Variants in ZNF699 observed in about 807,000 individuals in gnomAD.
The protein encoded by ZNF699 is hangover homolog.
ZNF699 carries 18 observed loss-of-function variants against 22.5 expected under a neutral mutation model. That is an observed-to-expected ratio of 0.80 (90% CI 0.55 to 1.19). The LOEUF (loss-of-function observed/expected upper bound fraction) is 1.19, where lower values mean the gene tolerates loss of function less well. ZNF699 is among the 50% of genes most tolerant of loss of function. The pLI, the probability that ZNF699 is intolerant of heterozygous loss-of-function variation, is 0.00. For synonymous variants in ZNF699, 241 were observed against 262.3 expected (o/e 0.92, Z 0.78); for missense variants, 670 against 763.4 (o/e 0.88, Z 1.44).
At chr19:9,307,304 T>TAACTTTTAAATAC (rs2066331109) in intron 1 of ZNF699, among the ~76,000 whole-genome samples, 1 of 152,204 alleles carries the variant, frequency 6.6e-6, no homozygotes, top group South Asian at 2.1e-4. Flanking sequence ...CCTTACCTCC[T>TAACTTTTAAATAC]TCGTTTCATG....
rs1224282295 is a variant in ZNF699, at chr19:9,295,799, T to C, written c.1605A>G (p.Lys535=). ...AGGGATAAATAAAGGCTTTCCCACATTTCTTACATTCATAGGGTTTCTCTC... is the reference window on the plus strand; with the variant it reads ...AGGGATAAATAAAGGCTTTCCCACACTTCTTACATTCATAGGGTTTCTCTC... ...HTGEKPYECK[K]CGKAFIYPSA... Residue 535 remains lysine (K), a synonymous_variant, in exon 6 of 6, where the codon AAA becomes AAG. Transcript: ENST00000591998. 6.2e-7 allele frequency: 1 copy of C among 1,614,166 alleles called. No individual in the cohort carries two copies. The highest frequency in any genetic ancestry group is 1.1e-5 in the South Asian group (1 of 91,076).
Position 9,295,411 on chromosome 19 carries a change from A to C in ZNF699, c.*64T>G. 6.6e-7 allele frequency: 1 copy of C among 1,520,514 alleles called. No individual in the cohort carries two copies. The highest frequency in any genetic ancestry group is 8.8e-7 in the Non-Finnish European group (1 of 1,139,012). 94.2% of individuals were successfully genotyped at this position (1,520,514 alleles called of 1,614,324 possible). ...TCTTACATTCATAGGGTGTCTCCAC[A>C]GTATGAGATCTCACATGTTGCCTAG... On this transcript the variant is annotated 3_prime_UTR_variant, in exon 6 of 6. Transcript: ENST00000591998.
Position 9,296,451 on chromosome 19 carries a change from C to A in ZNF699, c.953G>T (p.Cys318Phe). ...ECKECGKAFS[C>F]SSSLSKHKRI... ...TTTGTGTTTGGAGAGTGAGGAGGAA[C>A]AACTGAAGGCCTTCCCACATTCCTT... The change falls in exon 6 of 6, where the codon TGT becomes TTT. Residue 318 changes from cysteine (C) to phenylalanine (F), a missense_variant. Cys to Phe is a radical substitution (Grantham distance 205). Transcript: ENST00000591998. 1 of 1,613,050 alleles carries A rather than the reference C, an allele frequency of 6.2e-7. No individual in the cohort carries two copies. Among genetic ancestry groups the A allele is most frequent in the Non-Finnish European group, 8.5e-7 (1 of 1,179,734 alleles).
chr19:9,307,704 T>G (rs976938813), intron 1 of ZNF699, among the ~76,000 whole-genome samples: 1 of 152,084 alleles, frequency 6.6e-6, no homozygotes, highest in African/African-American at 2.4e-5. Flanking sequence ...ATCCCAGCAC[T>G]TTGGGAGGCC....
In ZNF699 at chr19:9,297,738, G is replaced by C; in HGVS notation, c.286+142C>G. 1 of 668,920 alleles carries C rather than the reference G, an allele frequency of 1.5e-6. No individual in the cohort carries two copies. The highest frequency in any genetic ancestry group is 2.5e-6 in the Non-Finnish European group (1 of 394,024). The allele number at this position is 668,920 out of a possible 1,614,324, so 41.4% of individuals were successfully genotyped here. A position where few individuals can be genotyped will look rare whatever the true frequency, so the allele number is the denominator to read the frequency against. On this transcript the variant is annotated intron_variant, in intron 4 of 5. Coordinates refer to ENST00000591998, the MANE Select transcript of ZNF699 (RefSeq NM_198535.3). This position sits in a 1 kb window ranked among gnomAD's most constrained non-coding sequence, Gnocchi z 4.3. Reference sequence around the variant, plus strand: ...TTTGCCAAGAACAAGGAAAATGCGAGAGGACTGATAAAAAGTCAAAATAGT... The same window carrying C: ...TTTGCCAAGAACAAGGAAAATGCGACAGGACTGATAAAAAGTCAAAATAGT...
rs2066273720 is a variant in ZNF699 at position 9,293,500 on chromosome 19, C to A, written c.*1975G>T. ...ATCAAAAGAACAATTAAAAGTCAAA[C>A]CACACATTATGTTGAGCAAAAGAAG... On this transcript the variant is annotated 3_prime_UTR_variant, in exon 6 of 6. Coordinates refer to ENST00000591998, the MANE Select transcript of ZNF699 (RefSeq NM_198535.3). Among the ~76,000 whole-genome samples, 1 of 152,140 alleles carries A rather than the reference C, an allele frequency of 6.6e-6. No homozygotes were observed. The highest frequency in any genetic ancestry group is 1.5e-5 in the Non-Finnish European group (1 of 68,014).
rs2066282872 is a variant in ZNF699 at position 9,295,784 on chromosome 19, A to G, written c.1620T>C (p.Phe540=). Residue 540 remains phenylalanine, a synonymous_variant, in exon 6 of 6, where the codon TTT becomes TTC. Transcript: ENST00000591998. ...PYECKKCGKA[F]IYPSALRIHM... ...GGATCCTAAGGGCTGAGGGATAAATAAAGGCTTTCCCACATTTCTTACATT... is the reference window on the plus strand; with the variant it reads ...GGATCCTAAGGGCTGAGGGATAAATGAAGGCTTTCCCACATTTCTTACATT... 1.2e-6 allele frequency: 2 copies of G among 1,613,592 alleles called. No homozygotes were observed. The highest frequency in any genetic ancestry group is 4.5e-5 in the East Asian group (2 of 44,812).
Position 9,296,409 on chromosome 19 carries a change from T to C in ZNF699, c.995A>G (p.Asp332Gly). Residue 332 changes from aspartate (D) to glycine (G), a missense_variant, in exon 6 of 6, where the codon GAT (aspartate) becomes GGT (glycine). Asp to Gly is a moderately conservative substitution (Grantham distance 94). Coordinates refer to ENST00000591998, the MANE Select transcript of ZNF699 (RefSeq NM_198535.3). ...ACATTCCTTACATTCATATGGCTTA[T>C]CTCCACTGTGAATTCTTTTGTGTTT... The part of the protein sequence containing the change: ...LSKHKRIHSG[D>G]KPYECKECGK... 1 of 1,613,608 alleles carries C rather than the reference T, an allele frequency of 6.2e-7. No homozygotes were observed. The highest frequency in any genetic ancestry group is 8.5e-7 in the Non-Finnish European group (1 of 1,179,838).
At position 9,297,804 on chromosome 19, in the gene ZNF699, A is replaced by G. The variant is rs1244737526; in HGVS notation, c.286+76T>C. ...TGGAAGATGAGCTTCCTCATATAAA[A>G]CAAAGTTTGTTTTTGTTTTTTACTT... On this transcript the variant is annotated intron_variant, in intron 4 of 5. Coordinates refer to ENST00000591998, the MANE Select transcript of ZNF699 (RefSeq NM_198535.3). This position sits in a 1 kb window ranked among gnomAD's most constrained non-coding sequence, Gnocchi z 4.3. The G allele has an allele frequency of 2.5e-6, 3 of 1,184,786 alleles. No individual in the cohort carries two copies. Among genetic ancestry groups the G allele is most frequent in the Non-Finnish European group, 3.7e-6 (3 of 800,706 alleles). 73.4% of individuals were successfully genotyped at this position (1,184,786 alleles called of 1,614,324 possible).
rs2066286918 is a variant in ZNF699 at position 9,296,461 on chromosome 19, C to G, written c.943G>C (p.Ala315Pro). The G allele has an allele frequency of 1.9e-6, 3 of 1,614,168 alleles. No individual in the cohort carries two copies. The highest frequency in any genetic ancestry group is 1.3e-5 in the African/African-American group (1 of 75,036). Residue 315 changes from alanine to proline, a missense_variant, in exon 6 of 6, where the codon GCC (alanine) becomes CCC (proline). By Grantham distance (27) the Ala-to-Pro change is conservative. Coordinates refer to ENST00000591998, the MANE Select transcript of ZNF699 (RefSeq NM_198535.3). ...KPYECKECGK[A>P]FSCSSSLSKH... ...GAGAGTGAGGAGGAACAACTGAAGGCCTTCCCACATTCCTTACATTCATAA... is the reference window on the plus strand; with the variant it reads ...GAGAGTGAGGAGGAACAACTGAAGGGCTTCCCACATTCCTTACATTCATAA...
chr19:9,304,838 G>A (rs2066321172), intron 2 of ZNF699, among the ~76,000 whole-genome samples: 4 of 151,700 alleles, frequency 2.6e-5, no homozygotes, highest in Non-Finnish European at 2.9e-5. Context: ...CAGGAGAATC[G>A]GTTGAACCAG....
In ZNF699 at chr19:9,292,475, A is replaced by G. The variant is rs1045108587; in HGVS notation, c.*3000T>C. ...TTCTGGGGCCATCTATGAAGAGACA[A>G]CCTGCTTGGAAGAAACACTAATGCA... is the stretch of plus-strand genomic sequence containing the variant. On this transcript the variant is annotated 3_prime_UTR_variant, in exon 6 of 6. Coordinates refer to ENST00000591998, the MANE Select transcript of ZNF699 (RefSeq NM_198535.3). Among the ~76,000 whole-genome samples, 4 of 152,150 alleles carry G rather than the reference A, an allele frequency of 2.6e-5. No homozygotes were observed. The highest frequency in any genetic ancestry group is 9.7e-5 in the African/African-American group (4 of 41,438).
intron 3 of ZNF699, 83 bp downstream of exon 3, chr19:9,302,295 A>C: frequency 6.5e-7 from 1 of 1,532,344 alleles, no homozygotes; most frequent in South Asian, 1.1e-5. Context: ...CCCATTCCTC[A>C]GCCCAAATCC....
intron 2 of ZNF699, 152 bp from the exon 3 acceptor site, chr19:9,302,656 C>A (rs1186560567): frequency 1.5e-6 from 1 of 688,798 alleles, no homozygotes; most frequent in Non-Finnish European, 2.3e-6. Context: ...GTCAACAAAT[C>A]TCTCTCTCTT....
Position 9,305,289 on chromosome 19 carries a change from G to GCACACACACACACACACACACACACACA in ZNF699, c.-5-166_-5-165insTGTGTGTGTGTGTGTGTGTGTGTGTGTG, listed in dbSNP as rs2066323632. ...CATACACACACACACACACACACAT[G>GCACACACACACACACACACACACACACA]CACACACCCAAGACACCCAAGTAAA... On this transcript the variant is annotated intron_variant, in intron 1 of 5. Transcript: ENST00000591998. Among the ~76,000 whole-genome samples, 3 of 141,226 alleles carry GCACACACACACACACACACACACACACA rather than the reference G, an allele frequency of 2.1e-5. 1 individual carries two copies. The highest frequency in any genetic ancestry group is 9.3e-5 in the African/African-American group (3 of 32,134). The allele number at this position is 141,226 out of a possible 152,430, so 92.6% of individuals were successfully genotyped here. A position where few individuals can be genotyped will look rare whatever the true frequency, so the allele number is the denominator to read the frequency against.
Position 9,304,572 on chromosome 19 carries a change from T to C in ZNF699, c.48+500A>G, listed in dbSNP as rs531192932. The stretch of plus-strand genomic sequence containing the variant: ...AGTTTTATTGGAACACAATAAAATG[T>C]GTTTATGTACTGTCTATGGCTGCTT... On this transcript the variant is annotated intron_variant, in intron 2 of 5. Transcript: ENST00000591998. Among the ~76,000 whole-genome samples the C allele has an allele frequency of 7.9e-5, 12 of 152,308 alleles. No homozygotes were observed. The South Asian group carries it at 2.3e-3, about 29-fold the overall frequency.
At position 9,296,358 on chromosome 19, in the gene ZNF699, TGA is replaced by T. The variant is rs756007390; in HGVS notation, c.1044_1045del (p.His349ProfsTer15). 1 of 1,611,174 alleles carries T rather than the reference TGA, an allele frequency of 6.2e-7. No individual in the cohort carries two copies. ...GTGAATTCTTATATGTATTATAAGG[TGA>T]GAGGAAGAGCTAAAGGCCTTCCCAC... On this transcript the variant is annotated frameshift_variant, in exon 6 of 6. Coordinates refer to ENST00000591998, the MANE Select transcript of ZNF699 (RefSeq NM_198535.3). LOFTEE classifies it low-confidence loss of function (END_TRUNC).
Position 9,296,388 on chromosome 19 carries a change from T to G in ZNF699, c.1016A>C (p.Glu339Ala). 6.2e-6 allele frequency: 10 copies of G among 1,614,126 alleles called. No individual in the cohort carries two copies. Among genetic ancestry groups the G allele is most frequent in the Non-Finnish European group, 8.5e-6 (10 of 1,179,982 alleles). Residue 339 changes from glutamate to alanine, a missense_variant, in exon 6 of 6, where the codon GAA becomes GCA. By Grantham distance (107) the Glu-to-Ala change is moderately radical. Transcript: ENST00000591998. ...GGAAGAGCTAAAGGCCTTCCCACAT[T>G]CCTTACATTCATATGGCTTATCTCC... ...HSGDKPYECKECGKAFSSSSH... is the reference protein window; with the variant it reads ...HSGDKPYECKACGKAFSSSSH...
At position 9,297,577 on chromosome 19, in the gene ZNF699, G is replaced by A; in HGVS notation, c.287-98C>T. 1 of 884,368 alleles carries A rather than the reference G, an allele frequency of 1.1e-6. No individual in the cohort carries two copies. Among genetic ancestry groups the A allele is most frequent in the Non-Finnish European group, 1.7e-6 (1 of 584,238 alleles). The allele number at this position is 884,368 out of a possible 1,614,324, so 54.8% of individuals were successfully genotyped here. ...ATTAATAGGCACAAGGGTCAAAATGGTAAGCAATTAACTAAGAAATAATTT... is the reference window on the plus strand; with the variant it reads ...ATTAATAGGCACAAGGGTCAAAATGATAAGCAATTAACTAAGAAATAATTT... On this transcript the variant is annotated intron_variant, in intron 4 of 5. Coordinates refer to ENST00000591998, the MANE Select transcript of ZNF699 (RefSeq NM_198535.3). This position sits in a 1 kb window ranked among gnomAD's most constrained non-coding sequence, Gnocchi z 4.3.
Sources: gnomAD v4.1 joint callset for allele counts (sites outside exome capture counted in the v4.1 genomes callset) on GRCh38, gnomAD v4.1.1 for gene constraint, Gnocchi (gnomAD v3.1) non-coding constraint, MANE v1.5 for transcripts, NCBI Gene and HGNC (gene_info 2026-07-23, HGNC 2026-07-21) for gene names.